The following FXN variants were observed in gnomAD, a reference collection of about 807,000 sequenced individuals.
FXN encodes the protein frataxin, also known as frataxin, mitochondrial.
Under a neutral mutation model 22.4 loss-of-function variants are expected in FXN, and 14 were observed. That is an observed-to-expected ratio of 0.62 (90% confidence interval 0.41 to 0.98). The LOEUF is 0.98. Ranked by LOEUF, FXN falls within the 50% of genes least tolerant of loss-of-function variation. FXN has a pLI of 0.00. For synonymous variants in FXN, 120 were observed against 114.1 expected (o/e 1.05, Z -0.33); for missense variants, 267 against 268.4 (o/e 0.99, Z 0.04).
chr9:69,053,378 T>A, intron 3 of FXN, 118 bp downstream of exon 3: 1 of 1,281,904 alleles, frequency 7.8e-7, no homozygotes, highest in East Asian at 2.5e-5. Flanking sequence ...GTAGGTAGGA[T>A]TAAAAGACTA....
At chr9:69,040,167 A>G (rs974476810) in intron 1 of FXN, among the ~76,000 whole-genome samples, 6 of 152,114 alleles carry the variant, frequency 3.9e-5, no homozygotes, top group African/African-American at 1.4e-4. Flanking sequence ...AAATGACTCA[A>G]TAAGCTCCTG....
At chr9:69,036,660 G>A (rs1190542016) in intron 1 of FXN, among the ~76,000 whole-genome samples, 1 of 152,200 alleles carries the variant, frequency 6.6e-6, no homozygotes, top group Non-Finnish European at 1.5e-5. Context: ...CCCATTTTGC[G>A]GACCTGGTGT....
At chr9:69,067,394 C>T (rs1443374745) in intron 4 of FXN, among the ~76,000 whole-genome samples, 2 of 152,262 alleles carry the variant, frequency 1.3e-5, no homozygotes, top group South Asian at 2.1e-4. Flanking sequence ...TTCGGGCCGT[C>T]GTCATTGTTT....
At chr9:69,054,335 C>T (rs557800600) in intron 3 of FXN, among the ~76,000 whole-genome samples, 56 of 152,272 alleles carry the variant, frequency 3.7e-4, no homozygotes, top group African/African-American at 1.1e-3. Flanking sequence ...GAAACATTAG[C>T]CCCAGATCCT....
At chr9:69,068,955 C>G (rs1832222444) in intron 4 of FXN, among the ~76,000 whole-genome samples, 1 of 152,206 alleles carries the variant, frequency 6.6e-6, no homozygotes, top group Non-Finnish European at 1.5e-5. Flanking sequence ...TTCACAGCAC[C>G]ATGGAGAGGA....
At position 69,035,985 on chromosome 9, in the gene FXN, C is replaced by T. The variant is rs559426389; in HGVS notation, c.165+38C>T. 22 of 1,386,986 alleles carry T rather than the reference C, an allele frequency of 1.6e-5. No individual in the cohort carries two copies. The South Asian group carries it at 1.8e-4, about 11-fold the overall frequency. The allele number at this position is 1,386,986 out of a possible 1,614,324, so 85.9% of individuals were successfully genotyped here. On this transcript the variant is annotated intron_variant, in intron 1 of 4. Coordinates refer to ENST00000484259, the MANE Select transcript of FXN (RefSeq NM_000144.5). ...GCCGGGAACAGCCGCGGGCCGCACGCCGCGGGCCGCACGCCGCACGCCTGC... is the reference window on the plus strand; with the variant it reads ...GCCGGGAACAGCCGCGGGCCGCACGTCGCGGGCCGCACGCCGCACGCCTGC...
chr9:69,059,273 T>G (rs1387971240), intron 3 of FXN, among the ~76,000 whole-genome samples: 1 of 152,002 alleles, frequency 6.6e-6, no homozygotes, highest in African/African-American at 2.4e-5. Context: ...AGGAGGCAGT[T>G]TTAGCTACAC....
chr9:69,067,324 C>T (rs1832185984), intron 4 of FXN, among the ~76,000 whole-genome samples: 1 of 152,234 alleles, frequency 6.6e-6, no homozygotes. Context: ...GGCCGGAGCG[C>T]GGGAGCGCCG....
Position 69,035,960 on chromosome 9 carries a change from G to T in FXN, c.165+13G>T. On this transcript the variant is annotated intron_variant, in intron 1 of 4. Coordinates refer to ENST00000484259, the MANE Select transcript of FXN (RefSeq NM_000144.5). ...GCCCCGCCGCGCAGTAAGTATCCGC[G>T]CCGGGAACAGCCGCGGGCCGCACGC... 6.9e-7 allele frequency: 1 copy of T among 1,453,370 alleles called. No homozygotes were observed. The highest frequency in any genetic ancestry group is 3.1e-5 in the East Asian group (1 of 32,622). The allele number at this position is 1,453,370 out of a possible 1,614,324, so 90.0% of individuals were successfully genotyped here.
chr9:69,049,844 G>A (rs117521408), intron 2 of FXN, among the ~76,000 whole-genome samples: 46 of 152,004 alleles, frequency 3.0e-4, no homozygotes, highest in Non-Finnish European at 5.7e-4. Flanking sequence ...TCTACTTTCT[G>A]TCTCTGTGGA....
intron 1 of FXN, among the ~76,000 whole-genome samples, chr9:69,042,240 A>G (rs887930125): frequency 2.1e-4 from 8 of 37,692 alleles, no homozygotes; most frequent in East Asian, 1.1e-3. Flanking sequence ...TCCGTCTCAG[A>G]AAAAAAAAAA....
intron 4 of FXN, among the ~76,000 whole-genome samples, chr9:69,068,167 G>A (rs968118102): frequency 1.3e-5 from 2 of 152,178 alleles, no homozygotes; most frequent in African/African-American, 4.8e-5. Flanking sequence ...TGAGAGGATC[G>A]CATGTGGACA....
chr9:69,072,871 C>A lies in FXN; in HGVS notation c.*109C>A, dbSNP rs932614888. 1.9e-6 allele frequency: 3 copies of A among 1,585,654 alleles called. No individual in the cohort carries two copies. The African/African-American group carries it at 4.0e-5, about 21-fold the overall frequency. On this transcript the variant is annotated 3_prime_UTR_variant, in exon 5 of 5. Transcript: ENST00000484259. ...TTGTTGTTGTTTATTTTTTTTATTC[C>A]TGCTTTTGAGGACAGTTGGGCTATG...
chr9:69,073,280 G>A lies in FXN; in HGVS notation c.*518G>A, dbSNP rs1005780958. 1.2e-5 allele frequency: 12 copies of A among 1,005,532 alleles called. No individual in the cohort carries two copies. Among genetic ancestry groups the A allele is most frequent in the Non-Finnish European group, 1.3e-5 (11 of 841,634 alleles). The allele number at this position is 1,005,532 out of a possible 1,614,324, so 62.3% of individuals were successfully genotyped here. A position where few individuals can be genotyped will look rare whatever the true frequency, so the allele number is the denominator to read the frequency against. ...CTGAGCTCTTTAGCATTGAAGTGTC[G>A]AAAGCAACTCACACGGGAAGATCAT... On this transcript the variant is annotated 3_prime_UTR_variant, in exon 5 of 5. Transcript: ENST00000484259.
At chr9:69,067,022 GGCCACC>G (rs1267680732) in intron 4 of FXN, among the ~76,000 whole-genome samples, 2 of 152,214 alleles carry the variant, frequency 1.3e-5, no homozygotes, top group Non-Finnish European at 2.9e-5. Flanking sequence ...GATCCAGAGT[GGCCACC>G]GCCGGATGGG....
chr9:69,077,871 A>G lies in FXN; in HGVS notation c.*5109A>G. The G allele has an allele frequency of 1.2e-6, 1 of 838,010 alleles. No homozygotes were observed. The highest frequency in any genetic ancestry group is 1.4e-6 in the Non-Finnish European group (1 of 696,208). The allele number at this position is 838,010 out of a possible 1,614,324, so 51.9% of individuals were successfully genotyped here. A position where few individuals can be genotyped will look rare whatever the true frequency, so the allele number is the denominator to read the frequency against. On this transcript the variant is annotated 3_prime_UTR_variant, in exon 5 of 5. Transcript: ENST00000484259. ...CTTGAACCTGGGTGGTGGAGGTTGC[A>G]GTGAGCCGAGATTACACCACTGCAC...
Position 69,072,647 on chromosome 9 carries a change from G to T in FXN, c.518G>T (p.Trp173Leu). Residue 173 changes from tryptophan (W) to leucine (L), a missense_variant, in exon 5 of 5, where the codon TGG (tryptophan) becomes TTG (leucine). By Grantham distance (61) the Trp-to-Leu change is moderately conservative. Coordinates refer to ENST00000484259, the MANE Select transcript of FXN (RefSeq NM_000144.5). ...PKRYDWTGKN[W>L]VYSHDGVSLH... ...CGTTATGACTGGACTGGGAAAAACTGGGTGTACTCCCACGACGGCGTGTCC... is the reference window on the plus strand; with the variant it reads ...CGTTATGACTGGACTGGGAAAAACTTGGTGTACTCCCACGACGGCGTGTCC... 1 of 1,614,160 alleles carries T rather than the reference G, an allele frequency of 6.2e-7. No homozygotes were observed. Among genetic ancestry groups the T allele is most frequent in the Non-Finnish European group, 8.5e-7 (1 of 1,180,040 alleles).
intron 1 of FXN, among the ~76,000 whole-genome samples, chr9:69,037,284 A>AAAGAAGAAGAAGAAGAAG (rs193922938): frequency 6.4e-5 from 5 of 78,044 alleles, no homozygotes; most frequent in Admixed American, 1.5e-4. Flanking sequence ...AAAAAAAAAA[A>AAAGAAGAAGAAGAAGAAG]AAGAAGAAGA....
At chr9:69,045,274 T>TAA (rs554690587) in intron 1 of FXN, among the ~76,000 whole-genome samples, 1 of 144,324 alleles carries the variant, frequency 6.9e-6, no homozygotes. Flanking sequence ...TAAAAGAAGG[T>TAA]AAAAAAAAAA....
Sources: gnomAD v4.1 joint callset for allele counts (sites outside exome capture counted in the v4.1 genomes callset) on GRCh38, gnomAD v4.1.1 for gene constraint, MANE v1.5 for transcripts, NCBI Gene and HGNC (gene_info 2026-07-23, HGNC 2026-07-21) for gene names.